Variants in PIK3C2G observed in about 807,000 individuals in gnomAD.
PIK3C2G encodes phosphatidylinositol-4-phosphate 3-kinase catalytic subunit type 2 gamma.
A neutral mutation model predicts 181.1 loss-of-function variants in PIK3C2G; 168 were observed. The observed-to-expected ratio is 0.93, with a 90% confidence interval of 0.82 to 1.05. The LOEUF (loss-of-function observed/expected upper bound fraction) is 1.05, where lower values mean the gene tolerates loss of function less well. Ranked by LOEUF, PIK3C2G falls within the 50% of genes least tolerant of loss-of-function variation. PIK3C2G has a pLI of 0.00. For synonymous variants in PIK3C2G, 573 were observed against 592.2 expected (o/e 0.97, Z 0.47); for missense variants, 1,869 against 1,732.8 (o/e 1.08, Z -1.40).
chr12:18,489,008 T>A (rs1318186447), intron 19 of PIK3C2G, among the ~76,000 whole-genome samples: 1 of 152,058 alleles, frequency 6.6e-6, no homozygotes, highest in African/African-American at 2.4e-5. Context: ...CAAAGGACAT[T>A]TTTCACGTAA....
chr12:18,319,537 G>C (rs1390176954), intron 6 of PIK3C2G, among the ~76,000 whole-genome samples: 1 of 151,080 alleles, frequency 6.6e-6, no homozygotes, highest in African/African-American at 2.4e-5. Context: ...AGCCTATGAA[G>C]GTATTTAAAT....
At chr12:18,431,939 A>G (rs1279994617) in intron 18 of PIK3C2G, among the ~76,000 whole-genome samples, 6 of 152,116 alleles carry the variant, frequency 3.9e-5, no homozygotes, top group Non-Finnish European at 8.8e-5. Flanking sequence ...ATCCCAACCA[A>G]CCTGAAGGAA....
At chr12:18,388,022 C>G (rs920853601) in intron 14 of PIK3C2G, among the ~76,000 whole-genome samples, 5 of 152,162 alleles carry the variant, frequency 3.3e-5, no homozygotes, top group Admixed American at 6.5e-5. Context: ...TGCTTATATT[C>G]CATTATCGTC....
At chr12:18,432,845 C>T (rs548844301) in intron 18 of PIK3C2G, among the ~76,000 whole-genome samples, 220 of 152,228 alleles carry the variant, frequency 1.4e-3, no homozygotes, top group Non-Finnish European at 2.3e-3. Context: ...AATTAAAATA[C>T]GTTTATGATA....
chr12:18,704,809 T>C, the PIK3C2G span, among the ~76,000 whole-genome samples: 5 of 152,224 alleles, frequency 3.3e-5, no homozygotes, highest in African/African-American at 1.2e-4. Flanking sequence ...GCTGTTGAGA[T>C]ATTGGGTACT....
At chr12:18,471,806 G>A (rs1485443717) in intron 18 of PIK3C2G, among the ~76,000 whole-genome samples, 2 of 152,090 alleles carry the variant, frequency 1.3e-5, no homozygotes, top group African/African-American at 4.8e-5. Context: ...TTGTGTGAGT[G>A]CCTCTGGGGC....
chr12:18,638,568 C>G (rs1210309363), intron 31 of PIK3C2G, among the ~76,000 whole-genome samples: 1 of 152,170 alleles, frequency 6.6e-6, no homozygotes, highest in Non-Finnish European at 1.5e-5. Flanking sequence ...TAAGCAATCT[C>G]AGCCCCACAG....
the PIK3C2G span, among the ~76,000 whole-genome samples, chr12:18,700,689 T>C: frequency 1.2e-3 from 187 of 152,232 alleles, 1 homozygote; most frequent in African/African-American, 4.3e-3. Flanking sequence ...TGAGACACTA[T>C]ATCAAGTCAT....
chr12:18,590,888 A>T (rs75503515), intron 29 of PIK3C2G, among the ~76,000 whole-genome samples: 1,551 of 152,044 alleles, frequency 0.01, 13 homozygotes, highest in African/African-American at 0.023. Context: ...TGAGGACTTG[A>T]AGGATATGAC....
At chr12:18,486,334 C>G (rs1285276876) in intron 18 of PIK3C2G, among the ~76,000 whole-genome samples, 2 of 152,040 alleles carry the variant, frequency 1.3e-5, no homozygotes, top group African/African-American at 4.8e-5. Flanking sequence ...CACATGTTAT[C>G]TCTGTGACTC....
Position 18,350,354 on chromosome 12 carries a change from T to C in PIK3C2G, c.1625+3518T>C, listed in dbSNP as rs540373112. The stretch of plus-strand genomic sequence containing the variant: ...AAGTATGGTATCATTGTTTGATAAA[T>C]AGAATGCAAAAATAATTATGCAAAA... On this transcript the variant is annotated intron_variant, in intron 11 of 32. Transcript: ENST00000538779. 3.3e-5 allele frequency among the ~76,000 whole-genome samples: 5 copies of C among 152,206 alleles called. No individual in the cohort carries two copies. The South Asian group carries it at 1.0e-3, about 32-fold the overall frequency.
chr12:18,352,884 C>A (rs949624243), intron 11 of PIK3C2G, among the ~76,000 whole-genome samples: 23 of 152,274 alleles, frequency 1.5e-4, no homozygotes, highest in Admixed American at 5.9e-4. Flanking sequence ...CCTTCTCTGC[C>A]ACTCTGCTGC....
downstream of PIK3C2G, among the ~76,000 whole-genome samples, chr12:18,650,712 CTATATATATATATATATA>C (rs1157799425): frequency 1.4e-3 from 20 of 14,618 alleles, no homozygotes; most frequent in African/African-American, 1.7e-3. Context: ...GTGTATATAT[CTATATATATATATATATA>C]TATATATATA....
chr12:18,721,416 G>A, the PIK3C2G span, among the ~76,000 whole-genome samples: 67,118 of 151,808 alleles, frequency 0.44, 17,660 homozygotes, highest in East Asian at 0.66. Context: ...GGCTGTGTTG[G>A]AGAGTATTTG....
At chr12:18,573,829 A>C (rs1946098844) in intron 29 of PIK3C2G, among the ~76,000 whole-genome samples, 1 of 152,142 alleles carries the variant, frequency 6.6e-6, no homozygotes, top group Non-Finnish European at 1.5e-5. Flanking sequence ...GTAGGGTCTC[A>C]GTCTGTGGTC....
At chr12:18,518,984 C>G (rs1370574054) in intron 24 of PIK3C2G, among the ~76,000 whole-genome samples, 5 of 152,102 alleles carry the variant, frequency 3.3e-5, no homozygotes, top group Admixed American at 2.6e-4. Flanking sequence ...CTTAATTTCA[C>G]TATTTACCCA....
intron 24 of PIK3C2G, among the ~76,000 whole-genome samples, chr12:18,514,851 C>T (rs1942432609): frequency 6.6e-6 from 1 of 151,810 alleles, no homozygotes; most frequent in Admixed American, 6.6e-5. Context: ...TTTAACTTTT[C>T]CTCATTTTGT....
upstream of PIK3C2G, among the ~76,000 whole-genome samples, chr12:18,256,831 T>A (rs951877954): frequency 5.9e-5 from 9 of 152,084 alleles, no homozygotes; most frequent in Non-Finnish European, 1.3e-4. Flanking sequence ...TATGCTAGAG[T>A]ACACTTCTAG....
chr12:18,670,952 GC>G, the PIK3C2G span, among the ~76,000 whole-genome samples: 1 of 152,106 alleles, frequency 6.6e-6, no homozygotes, highest in African/African-American at 2.4e-5. Context: ...GGAGGCTGAG[GC>G]AGGCAGATCA....
Sources: allele counts gnomAD v4.1 joint callset (sites outside exome capture counted in the v4.1 genomes callset), GRCh38; gene constraint gnomAD v4.1.1; transcripts MANE v1.5; gene names NCBI Gene and HGNC (gene_info 2026-07-23, HGNC 2026-07-21).